Variants in ANKZF1 observed in about 807,000 individuals in gnomAD.
The protein encoded by ANKZF1 is ankyrin repeat and zinc finger peptidyl tRNA hydrolase 1.
A neutral mutation model predicts 86.0 loss-of-function variants in ANKZF1; 84 were observed. That is an observed-to-expected ratio of 0.98 (90% CI 0.82 to 1.17). The LOEUF (loss-of-function observed/expected upper bound fraction) is 1.17, where lower values mean the gene tolerates loss of function less well. Among genes scored for constraint, ANKZF1 ranks in the 50% most tolerant of loss-of-function variants. The probability of loss-of-function intolerance (pLI) is 0.00; values close to 1 mark genes in which losing one functional copy is unlikely to be tolerated. For synonymous variants in ANKZF1, 331 were observed against 354.2 expected, an observed-to-expected ratio of 0.93 and a Z score of 0.74; for missense variants, 893 against 918.4, an observed-to-expected ratio of 0.97 and a Z score of 0.36.
chr2:219,235,676 A>G (rs745656933), intron 11 of ANKZF1, 32 bp from the exon 12 acceptor site: 3 of 1,610,970 alleles, frequency 1.9e-6, no homozygotes, highest in Non-Finnish European at 2.5e-6. Context: ...ACCAAAGATA[A>G]CTTATAGGGT....
intron 7 of ANKZF1, 74 bp downstream of exon 7, chr2:219,233,507 T>C (rs1951108736): frequency 6.7e-7 from 1 of 1,487,626 alleles, no homozygotes. Flanking sequence ...CACTGTTAAG[T>C]AGGGAGGTTT....
intron 2 of ANKZF1, 95 bp downstream of exon 2, chr2:219,230,500 G>A (rs1951001842): frequency 2.8e-6 from 4 of 1,413,832 alleles, no homozygotes; most frequent in South Asian, 1.5e-5. Context: ...CCGAGCTTAG[G>A]AGGCCAATTG....
rs367822373 is a variant in ANKZF1, at chr2:219,230,426, T to C, written c.148+21T>C. The C allele has an allele frequency of 1.8e-4, 291 of 1,591,860 alleles. 1 individual carries two copies. Among genetic ancestry groups the C allele is most frequent in the South Asian group, 9.5e-4 (85 of 89,798 alleles). Reference sequence around the variant, plus strand: ...TTCAGGTATCCTGGAAGGTTTCGTGTGAAACGTGACAGGGCTCCTTACAGC... The same window carrying C: ...TTCAGGTATCCTGGAAGGTTTCGTGCGAAACGTGACAGGGCTCCTTACAGC... On this transcript the variant is annotated intron_variant, in intron 2 of 13. Coordinates refer to ENST00000323348, the MANE Select transcript of ANKZF1 (RefSeq NM_018089.3).
Position 219,236,311 on chromosome 2 carries a change from C to T in ANKZF1, c.2058-11C>T, listed in dbSNP as rs778057454. ...GGTACCTGTCCAGCCATTTTTCTTC[C>T]TCTTGTTCAGACGCTGCTGGAGTTG... On this transcript the variant is annotated splice_polypyrimidine_tract_variant and intron_variant, in intron 13 of 13. Coordinates refer to ENST00000323348, the MANE Select transcript of ANKZF1 (RefSeq NM_018089.3). The T allele has an allele frequency of 1.2e-6, 2 of 1,613,958 alleles. No individual in the cohort carries two copies. The highest frequency in any genetic ancestry group is 1.7e-6 in the Non-Finnish European group (2 of 1,180,038).
At chr2:219,235,964 T>C (rs746524400) in intron 12 of ANKZF1, 46 bp from the exon 13 acceptor site, 1 of 1,613,936 alleles carries the variant, frequency 6.2e-7, no homozygotes, top group Non-Finnish European at 8.5e-7. Flanking sequence ...TTGGGTGCCC[T>C]ACTCGCCACT....
At position 219,233,987 on chromosome 2, in the gene ANKZF1, C is replaced by T. The variant is rs1208611967; in HGVS notation, c.1048+44C>T. ...TCCCAATTCCCTAGACCTTCCTGTT[C>T]TCTCCAACCTAAGCCTCCATTCTCA... On this transcript the variant is annotated intron_variant, in intron 8 of 13. Transcript: ENST00000323348. 5.2e-6 allele frequency: 8 copies of T among 1,533,730 alleles called. No individual in the cohort carries two copies. In the Admixed American group the frequency reaches 1.7e-4, roughly 33 times the overall value.
chr2:219,236,531 C>A lies in ANKZF1; in HGVS notation c.*86C>A. On this transcript the variant is annotated 3_prime_UTR_variant, in exon 14 of 14. Coordinates refer to ENST00000323348, the MANE Select transcript of ANKZF1 (RefSeq NM_018089.3). The stretch of plus-strand genomic sequence containing the variant: ...CTAGGTTTTTTCTTCCCCGTGAAAC[C>A]AGAGATGATTTGGAAGATGGGGGTG... 6.7e-7 allele frequency: 1 copy of A among 1,487,640 alleles called. No individual in the cohort carries two copies. Among genetic ancestry groups the A allele is most frequent in the Non-Finnish European group, 9.0e-7 (1 of 1,116,198 alleles). The allele number at this position is 1,487,640 out of a possible 1,614,324, so 92.2% of individuals were successfully genotyped here. A position where few individuals can be genotyped will look rare whatever the true frequency, so the allele number is the denominator to read the frequency against.
Position 219,236,552 on chromosome 2 carries a change from G to C in ANKZF1, c.*107G>C. 2.1e-6 allele frequency: 3 copies of C among 1,426,426 alleles called. No individual in the cohort carries two copies. The highest frequency in any genetic ancestry group is 2.8e-6 in the Non-Finnish European group (3 of 1,064,958). The allele number at this position is 1,426,426 out of a possible 1,614,324, so 88.4% of individuals were successfully genotyped here. ...AAACCAGAGATGATTTGGAAGATGGGGGTGAAGGACACTCGGGAACTAGGG... is the reference window on the plus strand; with the variant it reads ...AAACCAGAGATGATTTGGAAGATGGCGGTGAAGGACACTCGGGAACTAGGG... On this transcript the variant is annotated 3_prime_UTR_variant, in exon 14 of 14. Transcript: ENST00000323348.
intron 1 of ANKZF1, 78 bp from the exon 2 acceptor site, chr2:219,230,150 C>T: frequency 7.5e-7 from 1 of 1,336,036 alleles, no homozygotes; most frequent in Admixed American, 2.3e-5. Context: ...GCAGGAGAAA[C>T]CAAGTCAGGC....
chr2:219,231,883 G>C, intron 2 of ANKZF1, 45 bp from the exon 3 acceptor site: 1 of 1,487,208 alleles, frequency 6.7e-7, no homozygotes, highest in Non-Finnish European at 9.4e-7. Flanking sequence ...TGTCACTGTG[G>C]ATTTGGGCTC....
rs531124156 is a variant in ANKZF1 at position 219,234,221 on chromosome 2, A to G, written c.1137A>G (p.Glu379=). 1.2e-6 allele frequency: 2 copies of G among 1,614,116 alleles called. No homozygotes were observed. Among genetic ancestry groups the G allele is most frequent in the Non-Finnish European group, 1.7e-6 (2 of 1,180,030 alleles). ...VREERKKPTE[E]EIRKICRDEK... is the part of the protein sequence containing the mutation. ...AGGAGAGAAAGAAGCCTACTGAGGA[A>G]GAAATAAGAAAGATCTGCAGGGATG... is the stretch of plus-strand genomic sequence containing the variant. Residue 379 remains glutamate (E), a synonymous_variant, in exon 9 of 14, where the codon GAA becomes GAG. Coordinates refer to ENST00000323348, the MANE Select transcript of ANKZF1 (RefSeq NM_018089.3).
chr2:219,233,625 C>G, intron 7 of ANKZF1, 90 bp from the exon 8 acceptor site: 1 of 1,452,412 alleles, frequency 6.9e-7, no homozygotes, highest in East Asian at 2.3e-5. Flanking sequence ...CTACTTTCCA[C>G]CCCTTGCACT....
In ANKZF1 at chr2:219,234,979, G is replaced by A; in HGVS notation, c.1358G>A (p.Gly453Glu). 1 of 1,614,228 alleles carries A rather than the reference G, an allele frequency of 6.2e-7. No individual in the cohort carries two copies. Among genetic ancestry groups the A allele is most frequent in the Non-Finnish European group, 8.5e-7 (1 of 1,180,042 alleles). ...GAGAAAAGCCGAGACCAGGAGGCTG[G>A]GGCACATCGGACTCTTCTCCAGCAA... ...KKEKSRDQEA[G>E]AHRTLLQQTQ... Residue 453 changes from glycine (G) to glutamate (E), a missense_variant, in exon 10 of 14, where the codon GGG becomes GAG. Gly to Glu is a moderately conservative substitution (Grantham distance 98). Transcript: ENST00000323348.
At chr2:219,236,162 A>G in intron 13 of ANKZF1, 67 bp downstream of exon 13, 2 of 1,604,494 alleles carry the variant, frequency 1.2e-6, no homozygotes, top group South Asian at 2.2e-5. Flanking sequence ...GGCAAGAGAA[A>G]TGAGTACCTG....
In ANKZF1 at chr2:219,232,590, C is replaced by G; in HGVS notation, c.465C>G (p.Ser155Arg). The G allele has an allele frequency of 6.2e-7, 1 of 1,614,154 alleles. No individual in the cohort carries two copies. Among genetic ancestry groups the G allele is most frequent in the Non-Finnish European group, 8.5e-7 (1 of 1,180,044 alleles). The stretch of plus-strand genomic sequence containing the variant: ...AGAGGGCTACATTTGAGAAGTTGAG[C>G]CGACCCCCAGGCTTTTACCCTCATC... The part of the protein sequence containing the change: ...DRERATFEKL[S>R]RPPGFYPHRV... The change falls in exon 5 of 14, where the codon AGC (serine) becomes AGG (arginine). Residue 155 changes from serine (S) to arginine (R), a missense_variant. Physicochemically the swap from Ser to Arg is moderately radical, Grantham distance 110. Transcript: ENST00000323348.
At chr2:219,235,943 G>C (rs1447788157) in intron 12 of ANKZF1, 67 bp from the exon 13 acceptor site, 15 of 1,613,788 alleles carry the variant, frequency 9.3e-6, no homozygotes, top group Non-Finnish European at 1.3e-5. Flanking sequence ...CCAGCGTGCA[G>C]CTGTCACCTC....
intron 5 of ANKZF1, 63 bp from the exon 6 acceptor site, chr2:219,233,016 C>A: frequency 1.4e-6 from 2 of 1,431,424 alleles, no homozygotes. Flanking sequence ...TGAAAATTGG[C>A]CCTTAGTTTC....
In ANKZF1 at chr2:219,230,293, G is replaced by T; in HGVS notation, c.36G>T (p.Ala12=). The change falls in exon 2 of 14, where the codon GCG becomes GCT. Residue 12 remains alanine (A), a synonymous_variant. Transcript: ENST00000323348. ...CTCCAGATGCAGCCCCGGCTCCTGCGTCGATCTCCCTGTTTGACCTCAGCG... is the reference window on the plus strand; with the variant it reads ...CTCCAGATGCAGCCCCGGCTCCTGCTTCGATCTCCCTGTTTGACCTCAGCG... ...SPAPDAAPAP[A]SISLFDLSAD... is the part of the protein sequence containing the mutation. 6.2e-7 allele frequency: 1 copy of T among 1,613,956 alleles called. No individual in the cohort carries two copies. The highest frequency in any genetic ancestry group is 8.5e-7 in the Non-Finnish European group (1 of 1,179,934).
Position 219,236,363 on chromosome 2 carries a change from C to CCTTTCACTACCTCGACTTCT in ANKZF1, c.2105_2124dup (p.Cys709ThrfsTer47), listed in dbSNP as rs777130090. Reference sequence around the variant, plus strand: ...GGGGCATCCCTCCAAGGCCTGACTCCCTTTCACTACCTCGACTTCTCTTTC... The same window carrying CCTTTCACTACCTCGACTTCT: ...GGGGCATCCCTCCAAGGCCTGACTCCCTTTCACTACCTCGACTTCTCTTTCACTACCTCGACTTCTCTTTC... On this transcript the variant is annotated frameshift_variant, in exon 14 of 14. Coordinates refer to ENST00000323348, the MANE Select transcript of ANKZF1 (RefSeq NM_018089.3). LOFTEE classifies it high-confidence loss of function. 1 of 1,614,138 alleles carries CCTTTCACTACCTCGACTTCT rather than the reference C, an allele frequency of 6.2e-7. No homozygotes were observed. Among genetic ancestry groups the CCTTTCACTACCTCGACTTCT allele is most frequent in the Non-Finnish European group, 8.5e-7 (1 of 1,180,010 alleles).
Sources: gnomAD v4.1 joint callset for allele counts on GRCh38, gnomAD v4.1.1 for gene constraint, MANE v1.5 for transcripts, NCBI Gene and HGNC (gene_info 2026-07-23, HGNC 2026-07-21) for gene names.